ATP1B3: variants seen among roughly 807,000 people sequenced by gnomAD.
The protein encoded by ATP1B3 is sodium/potassium-transporting ATPase subunit beta-3.
ATP1B3 carries 10 observed loss-of-function variants against 30.2 expected under a neutral mutation model. That is an observed-to-expected ratio of 0.33 (90% confidence interval 0.20 to 0.56). The LOEUF (loss-of-function observed/expected upper bound fraction) is 0.56. Ranked by LOEUF, ATP1B3 falls within the 20% of genes least tolerant of loss-of-function variation. The probability of loss-of-function intolerance (pLI) is 0.90; values close to 1 mark genes in which losing one functional copy is unlikely to be tolerated. For synonymous variants in ATP1B3, 113 were observed against 117.0 expected (o/e 0.97, Z 0.22); for missense variants, 238 against 336.7 (o/e 0.71, Z 2.29).
At chr3:141,896,235 G>A (rs996496668) in intron 1 of ATP1B3, among the ~76,000 whole-genome samples, 3 of 151,796 alleles carry the variant, frequency 2.0e-5, no homozygotes, top group Non-Finnish European at 4.4e-5. Flanking sequence ...TTGGGAGGCC[G>A]AGGCAGGAGG....
intron 4 of ATP1B3, among the ~76,000 whole-genome samples, chr3:141,914,536 C>A (rs1057287974): frequency 6.6e-6 from 1 of 152,116 alleles, no homozygotes; most frequent in African/African-American, 2.4e-5. Context: ...ATCCCTAGCC[C>A]CCGTGCCTTG....
chr3:141,917,911 G>A (rs1934497070), intron 5 of ATP1B3, among the ~76,000 whole-genome samples: 1 of 151,730 alleles, frequency 6.6e-6, no homozygotes, highest in Admixed American at 6.6e-5. Flanking sequence ...GGGACTACAG[G>A]CGACCGCCAC....
At chr3:141,913,921 G>T (rs1934411341) in intron 4 of ATP1B3, 85 bp downstream of exon 4, 4 of 1,300,432 alleles carry the variant, frequency 3.1e-6, no homozygotes, top group African/African-American at 1.5e-5. Context: ...TTGTGGTTGG[G>T]TTAATGCCTT....
At chr3:141,917,796 C>G (rs931417696) in intron 5 of ATP1B3, among the ~76,000 whole-genome samples, 3 of 150,154 alleles carry the variant, frequency 2.0e-5, no homozygotes, top group African/African-American at 7.4e-5. Context: ...GAGACGGAGT[C>G]TCACTCTGTT....
chr3:141,918,531 C>T (rs1296467069), intron 5 of ATP1B3, among the ~76,000 whole-genome samples: 1 of 151,658 alleles, frequency 6.6e-6, no homozygotes. Context: ...CTTTGCCTCC[C>T]GGGTTCAAGC....
intron 1 of ATP1B3, among the ~76,000 whole-genome samples, chr3:141,877,946 C>A (rs1318280109): frequency 1.3e-5 from 2 of 151,188 alleles, no homozygotes; most frequent in Non-Finnish European, 2.9e-5. Flanking sequence ...GGGAATAAAT[C>A]TCGAGAGCTT....
intron 1 of ATP1B3, among the ~76,000 whole-genome samples, chr3:141,896,703 TAA>T (rs1320047385): frequency 6.6e-6 from 1 of 152,184 alleles, no homozygotes; most frequent in Non-Finnish European, 1.5e-5. Context: ...GCTTTTCTAC[TAA>T]GTTTTTTATT....
At chr3:141,916,689 T>C (rs1389790140) in intron 5 of ATP1B3, 5 of 830,646 alleles carry the variant, frequency 6.0e-6, no homozygotes, top group African/African-American at 3.6e-5. Flanking sequence ...TTGAAATCAC[T>C]TTTAAAGTTG....
intron 6 of ATP1B3, 58 bp from the exon 7 acceptor site, chr3:141,925,471 TAG>T: frequency 6.6e-7 from 1 of 1,516,198 alleles, no homozygotes; most frequent in Non-Finnish European, 8.9e-7. Flanking sequence ...CAATTCCTGG[TAG>T]AGAGAAGTAT....
intron 5 of ATP1B3, chr3:141,921,771 G>C (rs1293380387): frequency 2.5e-6 from 1 of 400,632 alleles, no homozygotes; most frequent in Non-Finnish European, 4.5e-6. Context: ...TATCAGGATA[G>C]TTCATGTGGA....
Position 141,925,932 on chromosome 3 carries a change from G to C in ATP1B3, c.*231G>C, listed in dbSNP as rs11844. ...AGTGTACAGTCGCCAGATAGGGACC[G>C]GTGAACACCTGATTCCAAACATGTA... On this transcript the variant is annotated 3_prime_UTR_variant, in exon 7 of 7. Transcript: ENST00000286371. 0.11 allele frequency: 48,912 copies of C among 455,476 alleles called. 2,994 individuals are homozygous for C. Among genetic ancestry groups the C allele is most frequent in the East Asian group, 0.19 (5,397 of 28,710 alleles). 28.2% of individuals were successfully genotyped at this position (455,476 alleles called of 1,614,324 possible).
intron 1 of ATP1B3, among the ~76,000 whole-genome samples, chr3:141,884,448 A>G (rs1272289986): frequency 6.6e-6 from 1 of 151,948 alleles, no homozygotes; most frequent in Non-Finnish European, 1.5e-5. Flanking sequence ...CTGTCTTCTA[A>G]GTGTTTGTGA....
At chr3:141,907,051 C>T (rs1259436611) in intron 2 of ATP1B3, 116 bp from the exon 3 acceptor site, 4 of 646,962 alleles carry the variant, frequency 6.2e-6, no homozygotes, top group South Asian at 5.4e-5. Flanking sequence ...TTGATAGTTT[C>T]AGCATACTGT....
At chr3:141,924,442 C>G (rs1005614207) in intron 6 of ATP1B3, among the ~76,000 whole-genome samples, 3 of 151,070 alleles carry the variant, frequency 2.0e-5, no homozygotes, top group Admixed American at 2.0e-4. Context: ...AGTTCGAGAC[C>G]AGCCTGGCCA....
rs374153191 is a variant in ATP1B3, at chr3:141,886,886, C to T, written c.109+9976C>T. 1.4e-3 allele frequency among the ~76,000 whole-genome samples: 219 copies of T among 152,256 alleles called. 5 individuals are homozygous for T. The South Asian group carries it at 0.044, about 31-fold the overall frequency. On this transcript the variant is annotated intron_variant, in intron 1 of 6. Coordinates refer to ENST00000286371, the MANE Select transcript of ATP1B3 (RefSeq NM_001679.4). ...GCTGTGTTAGCACACATCTTTGGTTCCAGCTACTCAGGAGGTTGAGGCTGG... is the reference window on the plus strand; with the variant it reads ...GCTGTGTTAGCACACATCTTTGGTTTCAGCTACTCAGGAGGTTGAGGCTGG...
At chr3:141,922,125 C>T (rs1189132365) in intron 6 of ATP1B3, 62 bp downstream of exon 6, 8 of 1,003,096 alleles carry the variant, frequency 8.0e-6, no homozygotes, top group Admixed American at 5.1e-5. Flanking sequence ...CATGTGTTGA[C>T]GTACCACTTG....
At chr3:141,896,209 C>CT (rs1934062021) in intron 1 of ATP1B3, among the ~76,000 whole-genome samples, 1 of 151,738 alleles carries the variant, frequency 6.6e-6, no homozygotes, top group African/African-American at 2.4e-5. Context: ...TGGTTCACGC[C>CT]TGTAATTCTA....
chr3:141,906,609 T>C (rs745619334), intron 2 of ATP1B3, among the ~76,000 whole-genome samples: 3 of 152,242 alleles, frequency 2.0e-5, no homozygotes, highest in African/African-American at 7.2e-5. Context: ...TAGGAAATTG[T>C]TGGTGGTTAT....
intron 1 of ATP1B3, among the ~76,000 whole-genome samples, chr3:141,888,527 T>G (rs556607821): frequency 1.3e-5 from 2 of 152,314 alleles, no homozygotes; most frequent in South Asian, 4.1e-4. Flanking sequence ...CATAGCATAA[T>G]GTATTCGTCT....
Sources: allele counts gnomAD v4.1 joint callset (sites outside exome capture counted in the v4.1 genomes callset), GRCh38; gene constraint gnomAD v4.1.1; transcripts MANE v1.5; gene names NCBI Gene and HGNC (gene_info 2026-07-23, HGNC 2026-07-21).